A2ML1: variants seen among roughly 807,000 people sequenced by gnomAD.
A2ML1 encodes the protein alpha-2-macroglobulin-like protein 1.
A2ML1 carries 161 observed loss-of-function variants against 181.9 expected under a neutral mutation model. The ratio of observed to expected loss-of-function variants is 0.89; its 90% CI spans 0.78 to 1.01. A2ML1 has a LOEUF of 1.01. Among genes scored for constraint, A2ML1 ranks in the 50% least tolerant of loss-of-function variants. A2ML1 has a pLI of 0.00. For missense variants in A2ML1, 1,670 were observed against 1,768.1 expected, an observed-to-expected ratio of 0.94 and a Z score of 1.00; for synonymous variants, 663 against 666.8, an observed-to-expected ratio of 0.99 and a Z score of 0.09.
At chr12:8,858,802 C>A (rs77487303) in intron 26 of A2ML1, among the ~76,000 whole-genome samples, 57 of 152,202 alleles carry the variant, frequency 3.7e-4, no homozygotes, top group African/African-American at 1.3e-3. Context: ...TACTACTGGA[C>A]TAAAAGATCT....
At chr12:8,872,187 GAA>G (rs35410077) in intron 33 of A2ML1, among the ~76,000 whole-genome samples, 6,593 of 128,528 alleles carry the variant, frequency 0.051, 459 homozygotes, top group African/African-American at 0.18. Flanking sequence ...TCAGAAAAAA[GAA>G]AAAAAAAAAA....
rs1944006557 is a variant in A2ML1, at chr12:8,854,829, A to G, written c.2762A>G (p.Lys921Arg). ...EKTHSSLLCP[K>R]GKVASESVSL... ...ACACACAGCTCATTGCTGTGCCCAAAAGGTGGGTGGACTCAGAGCAGGATT... is the reference window on the plus strand; with the variant it reads ...ACACACAGCTCATTGCTGTGCCCAAGAGGTGGGTGGACTCAGAGCAGGATT... Residue 921 changes from lysine to arginine, a missense_variant and splice_region_variant, in exon 22 of 36, where the codon AAA (lysine) becomes AGA (arginine). Physicochemically the swap from Lys to Arg is conservative, Grantham distance 26. Transcript: ENST00000299698. 1.9e-6 allele frequency: 3 copies of G among 1,613,766 alleles called. No homozygotes were observed. Among genetic ancestry groups the G allele is most frequent in the Non-Finnish European group, 2.5e-6 (3 of 1,180,006 alleles).
intron 32 of A2ML1, 78 bp downstream of exon 32, chr12:8,868,705 G>A: frequency 3.4e-6 from 4 of 1,164,284 alleles, no homozygotes; most frequent in South Asian, 1.4e-5. Context: ...GGTAAAATGG[G>A]CATCATGGCG....
At chr12:8,840,856 G>A (rs1328469356) in intron 10 of A2ML1, among the ~76,000 whole-genome samples, 1 of 150,096 alleles carries the variant, frequency 6.7e-6, no homozygotes, top group Non-Finnish European at 1.5e-5. Context: ...GCAGTGAGCT[G>A]AGCTCGTCCC....
intron 28 of A2ML1, among the ~76,000 whole-genome samples, chr12:8,862,899 G>T (rs2110077): frequency 0.94 from 142,986 of 152,218 alleles, 67,796 homozygotes; most frequent in East Asian, 1. Flanking sequence ...GTCTTCTAAC[G>T]TACAGTCTTC....
At position 8,852,000 on chromosome 12, in the gene A2ML1, G is replaced by A. The variant is rs1320170708; in HGVS notation, c.2451G>A (p.Lys817=). 1.2e-5 allele frequency: 19 copies of A among 1,613,936 alleles called. No homozygotes were observed. The highest frequency in any genetic ancestry group is 1.5e-5 in the Non-Finnish European group (18 of 1,179,990). Residue 817 remains lysine (K), a synonymous_variant, in exon 19 of 36, where the codon AAG becomes AAA. Transcript: ENST00000299698. ...RLTATIFNYL[K]DCIRVQTDLA... ...CTGCCACCATCTTCAATTACCTAAA[G>A]GATTGCATCAGGGTGAGAGCTGGGG...
rs757411136 is a variant in A2ML1 at position 8,846,093 on chromosome 12, C to G, written c.1554C>G (p.Phe518Leu). Reference protein sequence around the residue: ...NSKKKGLKASFSLSLTFTSRL... With the variant: ...NSKKKGLKASLSLSLTFTSRL... ...CTCTTTCAGGACTGAAAGCCTCCTT[C>G]TCTCTCTCACTGACCTTCACTTCGA... The change falls in exon 14 of 36, where the codon TTC becomes TTG. Residue 518 changes from phenylalanine to leucine, a missense_variant. By Grantham distance (22) the Phe-to-Leu change is conservative. Coordinates refer to ENST00000299698, the MANE Select transcript of A2ML1 (RefSeq NM_144670.6). 3.7e-6 allele frequency: 6 copies of G among 1,613,872 alleles called. No individual in the cohort carries two copies. The South Asian group carries it at 4.4e-5, about 12-fold the overall frequency.
At position 8,861,604 on chromosome 12, in the gene A2ML1, C is replaced by T. The variant is rs186388378; in HGVS notation, c.3502+307C>T. ...CCGGGTTCACGCCATTCTCCTGCCT[C>T]AGCCTCCCCAGTAGCTGGGACTACA... On this transcript the variant is annotated intron_variant, in intron 28 of 35. Transcript: ENST00000299698. Among the ~76,000 whole-genome samples, 293 of 152,208 alleles carry T rather than the reference C, an allele frequency of 1.9e-3. 4 individuals are homozygous for T. The South Asian group carries it at 0.022, about 11-fold the overall frequency.
Position 8,852,777 on chromosome 12 carries a change from A to C in A2ML1, c.2590+441A>C, listed in dbSNP as rs1421831983. 6.6e-6 allele frequency among the ~76,000 whole-genome samples: 1 copy of C among 151,882 alleles called. No homozygotes were observed. The highest frequency in any genetic ancestry group is 2.4e-5 in the African/African-American group (1 of 41,330). On this transcript the variant is annotated intron_variant, in intron 20 of 35. Coordinates refer to ENST00000299698, the MANE Select transcript of A2ML1 (RefSeq NM_144670.6). This position sits in a 1 kb window ranked among gnomAD's most constrained non-coding sequence, Gnocchi z 4.2. Reference sequence around the variant, plus strand: ...AGTGGTGCAATCTGTGCTTACTGCAACCTCCACCTCCTGGGTTCAAGTGAT... The same window carrying C: ...AGTGGTGCAATCTGTGCTTACTGCACCCTCCACCTCCTGGGTTCAAGTGAT...
chr12:8,880,342 C>G (rs984560799), downstream of A2ML1, among the ~76,000 whole-genome samples: 1 of 151,958 alleles, frequency 6.6e-6, no homozygotes, highest in Non-Finnish European at 1.5e-5. Flanking sequence ...CTCCAGGAGC[C>G]TGGGCAACAG....
At chr12:8,877,525 G>C (rs1435655333), downstream of A2ML1, among the ~76,000 whole-genome samples, 1 of 152,114 alleles carries the variant, frequency 6.6e-6, no homozygotes, top group African/African-American at 2.4e-5. Context: ...ACGTGGGCAA[G>C]GGGCATGAGC....
chr12:8,864,041 A>C (rs746529423), intron 29 of A2ML1, 33 bp downstream of exon 29: 2 of 1,584,498 alleles, frequency 1.3e-6, no homozygotes, highest in South Asian at 2.2e-5. Flanking sequence ...GCCACTTATC[A>C]GGTAGAATTA....
At position 8,844,959 on chromosome 12, in the gene A2ML1, C is replaced by G. The variant is rs1025377231; in HGVS notation, c.1477-483C>G. 3 of 1,321,620 alleles carry G rather than the reference C, an allele frequency of 2.3e-6. No individual in the cohort carries two copies. The African/African-American group carries it at 4.5e-5, about 20-fold the overall frequency. 81.9% of individuals were successfully genotyped at this position (1,321,620 alleles called of 1,614,324 possible). A position where few individuals can be genotyped will look rare whatever the true frequency, so the allele number is the denominator to read the frequency against. On this transcript the variant is annotated intron_variant, in intron 12 of 35. Transcript: ENST00000299698. ...GAGTTCTGTTTCAAGTGAGAGTGGACGGGAAGGGGGAGTTAGAAGAGGAGA... is the reference window on the plus strand; with the variant it reads ...GAGTTCTGTTTCAAGTGAGAGTGGAGGGGAAGGGGGAGTTAGAAGAGGAGA...
At chr12:8,836,370 A>G in intron 7 of A2ML1, 31 bp downstream of exon 7, 1 of 1,576,562 alleles carries the variant, frequency 6.3e-7, no homozygotes, top group South Asian at 1.1e-5. Context: ...TCTGGTGGAG[A>G]TTAAAGATGC....
At chr12:8,867,564 T>C (rs977031946) in intron 29 of A2ML1, among the ~76,000 whole-genome samples, 1 of 152,116 alleles carries the variant, frequency 6.6e-6, no homozygotes, top group African/African-American at 2.4e-5. Context: ...GGAGAATCAC[T>C]TGAACCCAGG....
intron 23 of A2ML1, 102 bp downstream of exon 23, chr12:8,855,694 T>A: frequency 1.9e-6 from 2 of 1,063,480 alleles, no homozygotes; most frequent in Non-Finnish European, 2.8e-6. Flanking sequence ...AGAGTGTAAC[T>A]AATAACAAGT....
chr12:8,843,361 T>C lies in A2ML1; in HGVS notation c.1476T>C (p.Tyr492=), dbSNP rs759551673. Residue 492 remains tyrosine (Y), a splice_region_variant and synonymous_variant, in exon 12 of 36, where the codon TAT becomes TAC. Coordinates refer to ENST00000299698, the MANE Select transcript of A2ML1 (RefSeq NM_144670.6). ...SPDQEISFSY[Y]LIGKGSLVME... ...ACCAAGAGATCAGCTTCTCCTACTA[T>C]GTGAGACCGGGAAACGGGGACGGGT... is the stretch of plus-strand genomic sequence containing the variant. 1.1e-5 allele frequency: 17 copies of C among 1,612,288 alleles called. No individual in the cohort carries two copies. The African/African-American group carries it at 1.6e-4, about 15-fold the overall frequency.
In A2ML1 at chr12:8,863,783, T is replaced by C. The variant is rs949065571; in HGVS notation, c.3503-11T>C. The C allele has an allele frequency of 4.1e-5, 66 of 1,613,594 alleles. No individual in the cohort carries two copies. The highest frequency in any genetic ancestry group is 5.5e-5 in the Non-Finnish European group (65 of 1,179,692). On this transcript the variant is annotated splice_polypyrimidine_tract_variant and intron_variant, in intron 28 of 35. Coordinates refer to ENST00000299698, the MANE Select transcript of A2ML1 (RefSeq NM_144670.6). Reference sequence around the variant, plus strand: ...TCTAAGGACATCCTAGTTATGTTTCTTTTTCCATAGGAGAATCCATTTACT... The same window carrying C: ...TCTAAGGACATCCTAGTTATGTTTCCTTTTCCATAGGAGAATCCATTTACT...
At chr12:8,843,073 T>C in intron 11 of A2ML1, 61 bp from the exon 12 acceptor site, 1 of 1,466,182 alleles carries the variant, frequency 6.8e-7, no homozygotes, top group Non-Finnish European at 9.5e-7. Context: ...CCGTAACAAG[T>C]CCGTGGGGTT....
Sources: allele counts gnomAD v4.1 joint callset (sites outside exome capture counted in the v4.1 genomes callset), GRCh38; gene constraint gnomAD v4.1.1; non-coding constraint Gnocchi (gnomAD v3.1); transcripts MANE v1.5; gene names NCBI Gene and HGNC (gene_info 2026-07-23, HGNC 2026-07-21).